STK3: variants seen among roughly 807,000 people sequenced by gnomAD.
STK3 encodes serine/threonine-protein kinase 3.
A neutral mutation model predicts 58.0 loss-of-function variants in STK3; 41 were observed. The observed-to-expected ratio is 0.71, with a 90% CI of 0.55 to 0.92. The LOEUF is 0.92. Among genes scored for constraint, STK3 ranks in the 40% least tolerant of loss-of-function variants. The pLI, the probability that STK3 is intolerant of heterozygous loss-of-function variation, is 0.00. For synonymous variants in STK3, 170 were observed against 191.0 expected, an observed-to-expected ratio of 0.89 and a Z score of 0.91; for missense variants, 479 against 602.7, an observed-to-expected ratio of 0.79 and a Z score of 2.15.
intron 6 of STK3, among the ~76,000 whole-genome samples, chr8:98,659,276 T>C (rs1821790244): frequency 6.6e-6 from 1 of 152,062 alleles, no homozygotes; most frequent in Admixed American, 6.6e-5. Flanking sequence ...AGAAGATTGG[T>C]GTCAAAAAGA....
At chr8:98,457,726 C>T (rs1034255720) in intron 10 of STK3, among the ~76,000 whole-genome samples, 1 of 151,966 alleles carries the variant, frequency 6.6e-6, no homozygotes, top group Admixed American at 6.6e-5. Context: ...ATATATGACC[C>T]AAAGGAGTGG....
intron 10 of STK3, among the ~76,000 whole-genome samples, chr8:98,507,158 G>A (rs1363015817): frequency 3.9e-5 from 6 of 152,094 alleles, no homozygotes; most frequent in Non-Finnish European, 1.5e-5. Flanking sequence ...CAGTCTCATG[G>A]TTTTAAATAC....
At chr8:98,687,024 A>T (rs1035209127) in intron 6 of STK3, among the ~76,000 whole-genome samples, 10 of 152,224 alleles carry the variant, frequency 6.6e-5, no homozygotes, top group African/African-American at 2.4e-4. Flanking sequence ...TATAATTCAG[A>T]AAAAATTCCA....
At chr8:98,367,026 G>T (rs528861752), downstream of STK3, among the ~76,000 whole-genome samples, 5 of 152,212 alleles carry the variant, frequency 3.3e-5, no homozygotes, top group South Asian at 1.0e-3. Context: ...ACAAAGTAGA[G>T]ACTGGAACTC....
chr8:98,439,218 C>T (rs2131092270), intron 1 of STK3: 1 of 152,278 alleles, frequency 6.6e-6, no homozygotes, highest in Non-Finnish European at 1.5e-5. Context: ...AATACAATGC[C>T]TGGCACAGAA....
intron 3 of STK3, among the ~76,000 whole-genome samples, chr8:98,763,069 T>C: frequency 6.6e-6 from 1 of 152,176 alleles, no homozygotes; most frequent in East Asian, 1.9e-4. Context: ...AAGAGTCCCA[T>C]ATATAAAAAA....
At chr8:98,363,886 C>G in the STK3 span, among the ~76,000 whole-genome samples, 1 of 152,318 alleles carries the variant, frequency 6.6e-6, no homozygotes, top group Non-Finnish European at 1.5e-5. Context: ...TATGGAGCCT[C>G]TAAGTTCATA....
chr8:98,713,636 T>C (rs1034141627), intron 4 of STK3, among the ~76,000 whole-genome samples: 2 of 152,148 alleles, frequency 1.3e-5, no homozygotes, highest in African/African-American at 4.8e-5. Context: ...CAATAATTAA[T>C]AGCTTACCAA....
intron 7 of STK3, among the ~76,000 whole-genome samples, chr8:98,586,216 T>A (rs918105754): frequency 6.6e-6 from 1 of 151,826 alleles, no homozygotes; most frequent in African/African-American, 2.4e-5. Flanking sequence ...CCATTCAGTA[T>A]GATATTGGCT....
chr8:98,886,974 T>A (rs571430655), intron 1 of STK3, among the ~76,000 whole-genome samples: 11 of 152,164 alleles, frequency 7.2e-5, no homozygotes, highest in Non-Finnish European at 1.6e-4. Flanking sequence ...GGTGCGCGCC[T>A]GTAATCCCAG....
chr8:98,564,908 T>C (rs1238688634), intron 8 of STK3, among the ~76,000 whole-genome samples: 2 of 152,136 alleles, frequency 1.3e-5, no homozygotes, highest in Non-Finnish European at 2.9e-5. Flanking sequence ...TGTATTAATA[T>C]TGGTTCATTA....
chr8:98,369,447 G>C (rs1433507539), downstream of STK3, among the ~76,000 whole-genome samples: 2 of 152,110 alleles, frequency 1.3e-5, no homozygotes, highest in Non-Finnish European at 2.9e-5. Context: ...TTTAATACGG[G>C]GGTTCAGGGG....
chr8:98,606,672 T>C (rs1339030078), intron 6 of STK3, among the ~76,000 whole-genome samples: 1 of 152,210 alleles, frequency 6.6e-6, no homozygotes, highest in Non-Finnish European at 1.5e-5. Context: ...AAAAACTCTG[T>C]ACATCTAGGC....
At chr8:98,389,402 T>C (rs1760911945), upstream of STK3, among the ~76,000 whole-genome samples, 1 of 152,184 alleles carries the variant, frequency 6.6e-6, no homozygotes. Context: ...CCACCAGAAG[T>C]CTAGCACAAT....
intron 3 of STK3, among the ~76,000 whole-genome samples, chr8:98,394,351 A>G (rs1817879599): frequency 1.3e-5 from 2 of 152,080 alleles, no homozygotes; most frequent in South Asian, 2.1e-4. Flanking sequence ...TTTAAACTCA[A>G]ACGAGAGATT....
rs528460274 is a variant in STK3, at chr8:98,751,656, A to G, written c.237-2266T>C. Among the ~76,000 whole-genome samples, 74 of 152,330 alleles carry G rather than the reference A, an allele frequency of 4.9e-4. 1 individual carries two copies. In the Middle Eastern group the frequency reaches 0.01, roughly 21 times the overall value. ...CCATGCTCAGGGATAGAAATAATCA[A>G]TATCATTAAAATGAGGCTGGGCACT... On this transcript the variant is annotated intron_variant, in intron 3 of 10. Coordinates refer to ENST00000419617, the MANE Select transcript of STK3 (RefSeq NM_006281.4).
chr8:98,900,452 T>A (rs1377778385), intron 1 of STK3, among the ~76,000 whole-genome samples: 1 of 152,124 alleles, frequency 6.6e-6, no homozygotes, highest in African/African-American at 2.4e-5. Context: ...AAATGTAGAA[T>A]TATATGAAAT....
intron 10 of STK3, among the ~76,000 whole-genome samples, chr8:98,472,217 T>G (rs1760390314): frequency 6.6e-6 from 1 of 152,206 alleles, no homozygotes; most frequent in African/African-American, 2.4e-5. Context: ...TCTTAAACAC[T>G]ATACAATGCA....
chr8:98,734,535 T>C (rs539817804), intron 4 of STK3, among the ~76,000 whole-genome samples: 1 of 152,292 alleles, frequency 6.6e-6, no homozygotes, highest in African/African-American at 2.4e-5. Context: ...ACATCCAAAA[T>C]ATAGACTCTA....
Sources: gnomAD v4.1 joint callset for allele counts (sites outside exome capture counted in the v4.1 genomes callset) on GRCh38, gnomAD v4.1.1 for gene constraint, MANE v1.5 for transcripts, NCBI Gene and HGNC (gene_info 2026-07-23, HGNC 2026-07-21) for gene names.